The following PTGFRN variants were observed in gnomAD, a reference collection of about 807,000 sequenced individuals.
PTGFRN encodes prostaglandin F2 receptor inhibitor, also known as prostaglandin F2 receptor negative regulator.
PTGFRN carries 35 observed loss-of-function variants against 83.2 expected under a neutral mutation model. The observed-to-expected ratio is 0.42, with a 90% CI of 0.32 to 0.56. The LOEUF (loss-of-function observed/expected upper bound fraction) is 0.56, where lower values mean the gene tolerates loss of function less well. Among genes scored for constraint, PTGFRN ranks in the 20% least tolerant of loss-of-function variants. The pLI, the probability that PTGFRN is intolerant of heterozygous loss-of-function variation, is 0.11. For missense variants in PTGFRN, 1,051 were observed against 1,179.5 expected, an observed-to-expected ratio of 0.89 and a Z score of 1.60; for synonymous variants, 519 against 498.6, an observed-to-expected ratio of 1.04 and a Z score of -0.55.
At chr1:116,981,050 C>A (rs1031308827) in intron 7 of PTGFRN, among the ~76,000 whole-genome samples, 1 of 152,128 alleles carries the variant, frequency 6.6e-6, no homozygotes, top group Non-Finnish European at 1.5e-5. Context: ...TTTTTCTTTG[C>A]ATTTACATAT....
At chr1:116,978,710 A>T (rs1347550053) in intron 7 of PTGFRN, among the ~76,000 whole-genome samples, 2 of 152,238 alleles carry the variant, frequency 1.3e-5, no homozygotes, top group Non-Finnish European at 2.9e-5. Context: ...TTAGGTATTG[A>T]TGGGACGTAT....
intron 1 of PTGFRN, among the ~76,000 whole-genome samples, chr1:116,910,854 T>C (rs1206714781): frequency 6.6e-6 from 1 of 152,180 alleles, no homozygotes; most frequent in African/African-American, 2.4e-5. Context: ...TGCCTCAGTC[T>C]TTTCTTTTAG....
intron 6 of PTGFRN, among the ~76,000 whole-genome samples, chr1:116,970,815 C>T (rs183043914): frequency 7.2e-5 from 11 of 152,254 alleles, no homozygotes; most frequent in Admixed American, 2.0e-4. Flanking sequence ...CCTTAAGACA[C>T]GCAACAAAGG....
chr1:116,989,690 T>TTACA lies in PTGFRN; in HGVS notation c.*2728_*2731dup, dbSNP rs1290785938. 1 of 152,648 alleles carries TTACA rather than the reference T, an allele frequency of 6.6e-6. No homozygotes were observed. Among genetic ancestry groups the TTACA allele is most frequent in the East Asian group, 1.9e-4 (1 of 5,206 alleles). 9.5% of individuals were successfully genotyped at this position (152,648 alleles called of 1,614,324 possible). On this transcript the variant is annotated 3_prime_UTR_variant, in exon 9 of 9. Coordinates refer to ENST00000393203, the MANE Select transcript of PTGFRN (RefSeq NM_020440.4). ...CTGTAAATTGTTTACTTTATGATGT[T>TTACA]TACATACACGTTTCACTTTGAAAAA...
chr1:116,931,850 A>C (rs1649811177), intron 1 of PTGFRN, among the ~76,000 whole-genome samples: 1 of 152,186 alleles, frequency 6.6e-6, no homozygotes, highest in Admixed American at 6.5e-5. Context: ...ATAGGCCCCG[A>C]GTCTCTCCTA....
At chr1:116,972,778 T>TG (rs143584026) in intron 6 of PTGFRN, among the ~76,000 whole-genome samples, 1,997 of 152,276 alleles carry the variant, frequency 0.013, 22 homozygotes, top group Non-Finnish European at 0.02. Context: ...AAGTAAACAT[T>TG]GAACTCTTAG....
At chr1:116,965,231 T>C (rs1320096851) in intron 5 of PTGFRN, among the ~76,000 whole-genome samples, 1 of 152,234 alleles carries the variant, frequency 6.6e-6, no homozygotes, top group Non-Finnish European at 1.5e-5. Context: ...CCAAGATAGA[T>C]AGGACTTGCT....
chr1:116,975,582 CA>C (rs1294535591), intron 7 of PTGFRN, among the ~76,000 whole-genome samples: 9 of 152,218 alleles, frequency 5.9e-5, no homozygotes, highest in Non-Finnish European at 1.3e-4. Context: ...CGCTGTTCTA[CA>C]ACCTCCACTG....
intron 2 of PTGFRN, among the ~76,000 whole-genome samples, chr1:116,943,105 A>G (rs1019141783): frequency 6.6e-5 from 10 of 152,226 alleles, no homozygotes; most frequent in African/African-American, 2.4e-4. Context: ...TAGAAAATGC[A>G]CATGATGATA....
chr1:116,959,891 G>A (rs936119522), intron 4 of PTGFRN, among the ~76,000 whole-genome samples: 1 of 151,946 alleles, frequency 6.6e-6, no homozygotes, highest in Non-Finnish European at 1.5e-5. Flanking sequence ...CATGAGAAAC[G>A]CTGGAACCTG....
chr1:116,974,040 C>T (rs754351533), intron 6 of PTGFRN, among the ~76,000 whole-genome samples, 176 bp from the exon 7 acceptor site: 10 of 152,172 alleles, frequency 6.6e-5, no homozygotes, highest in Non-Finnish European at 4.4e-5. Context: ...TTGGATGTGC[C>T]TAATGCCCAT....
At chr1:116,976,304 A>C (rs1472343028) in intron 7 of PTGFRN, among the ~76,000 whole-genome samples, 1 of 152,206 alleles carries the variant, frequency 6.6e-6, no homozygotes, top group Non-Finnish European at 1.5e-5. Context: ...ACTCTGCAGG[A>C]TATTGTCCAG....
chr1:116,985,767 G>A (rs1651458707), intron 8 of PTGFRN, among the ~76,000 whole-genome samples: 1 of 151,656 alleles, frequency 6.6e-6, no homozygotes, highest in African/African-American at 2.4e-5. Context: ...ACTTCACGGA[G>A]CCCCAAGATG....
chr1:116,979,017 C>T (rs1041285831), intron 7 of PTGFRN, among the ~76,000 whole-genome samples: 1 of 152,174 alleles, frequency 6.6e-6, no homozygotes, highest in African/African-American at 2.4e-5. Flanking sequence ...GCAACTTCAG[C>T]AAAGTCTCAG....
intron 6 of PTGFRN, 135 bp downstream of exon 6, chr1:116,967,465 G>A (rs1352757947): frequency 2.2e-6 from 2 of 927,532 alleles, no homozygotes; most frequent in African/African-American, 1.7e-5. Flanking sequence ...TTTAAAGTGT[G>A]TAATTCAGTG....
In PTGFRN at chr1:116,961,706, C is replaced by T. The variant is rs752167686; in HGVS notation, c.1639+38C>T. On this transcript the variant is annotated intron_variant, in intron 5 of 8. Coordinates refer to ENST00000393203, the MANE Select transcript of PTGFRN (RefSeq NM_020440.4). This position sits in a 1 kb window ranked among gnomAD's most constrained non-coding sequence, Gnocchi z 5.4. The stretch of plus-strand genomic sequence containing the variant: ...TTCTTGTTATTCATTTTTGTTTTGT[C>T]TTTGCTTAAGTCGTGCCGCTGTGTG... 1 of 1,568,698 alleles carries T rather than the reference C, an allele frequency of 6.4e-7. No homozygotes were observed. The highest frequency in any genetic ancestry group is 1.7e-4 in the Middle Eastern group (1 of 5,788).
intron 3 of PTGFRN, among the ~76,000 whole-genome samples, chr1:116,946,397 C>T (rs1240146364): frequency 1.3e-5 from 2 of 152,162 alleles, no homozygotes; most frequent in South Asian, 2.1e-4. Flanking sequence ...CTGCAGAAAT[C>T]GCTTTCCAGA....
At chr1:116,949,688 T>C in intron 4 of PTGFRN, 116 bp downstream of exon 4, 4 of 1,390,572 alleles carry the variant, frequency 2.9e-6, no homozygotes, top group Non-Finnish European at 3.8e-6. Flanking sequence ...TTATTTCTAT[T>C]GGTTCATGCA....
intron 1 of PTGFRN, among the ~76,000 whole-genome samples, chr1:116,919,473 C>T (rs953245139): frequency 6.6e-6 from 1 of 152,142 alleles, no homozygotes; most frequent in African/African-American, 2.4e-5. Flanking sequence ...TCATAGCCCA[C>T]TGCAGCCTCA....
Sources: allele counts gnomAD v4.1 joint callset (sites outside exome capture counted in the v4.1 genomes callset), GRCh38; gene constraint gnomAD v4.1.1; non-coding constraint Gnocchi (gnomAD v3.1); transcripts MANE v1.5; gene names NCBI Gene and HGNC (gene_info 2026-07-23, HGNC 2026-07-21).